The following SCAPER variants were observed in gnomAD, a reference collection of about 807,000 sequenced individuals.
The protein encoded by SCAPER is S phase cyclin A-associated protein in the endoplasmic reticulum.
A neutral mutation model predicts 182.2 loss-of-function variants in SCAPER; 98 were observed. That is an observed-to-expected ratio of 0.54 (90% CI 0.46 to 0.64). The LOEUF is 0.64. Among genes scored for constraint, SCAPER ranks in the 30% least tolerant of loss-of-function variants. SCAPER has a pLI of 0.00. For synonymous variants in SCAPER, 605 were observed against 564.6 expected (o/e 1.07, Z -1.01); for missense variants, 1,432 against 1,690.0 (o/e 0.85, Z 2.68).
Position 76,728,741 on chromosome 15 carries a change from A to G in SCAPER, c.2023-4T>C. ...CCTCTAGAGCTCTCTTGCGTTCCTA[A>G]TGTTAGAAATATTTGTTTCCAATAT... On this transcript the variant is annotated splice_region_variant and splice_polypyrimidine_tract_variant and intron_variant, in intron 16 of 31. Coordinates refer to ENST00000563290, the MANE Select transcript of SCAPER (RefSeq NM_020843.4). The G allele has an allele frequency of 3.1e-6, 5 of 1,604,028 alleles. No individual in the cohort carries two copies. Among genetic ancestry groups the G allele is most frequent in the Non-Finnish European group, 4.2e-6 (5 of 1,177,018 alleles).
chr15:76,850,868 A>G (rs1427126768), intron 4 of SCAPER, among the ~76,000 whole-genome samples: 4 of 151,042 alleles, frequency 2.6e-5, no homozygotes, highest in Non-Finnish European at 4.4e-5. Context: ...TCAAAAAAAA[A>G]AAAAAAAAAG....
chr15:76,855,811 C>T (rs753794490), intron 4 of SCAPER: 3 of 406,518 alleles, frequency 7.4e-6, no homozygotes, highest in South Asian at 3.6e-5. Context: ...AATACTTACA[C>T]GCTATTGCTG....
chr15:76,611,267 A>G (rs1294477222), intron 22 of SCAPER, among the ~76,000 whole-genome samples: 1 of 152,164 alleles, frequency 6.6e-6, no homozygotes, highest in Non-Finnish European at 1.5e-5. Context: ...AACTCAAAAC[A>G]GATAAAAAAT....
Position 76,733,265 on chromosome 15 carries a change from T to C in SCAPER, c.1986A>G (p.Arg662=). 6.3e-7 allele frequency: 1 copy of C among 1,595,964 alleles called. No homozygotes were observed. The highest frequency in any genetic ancestry group is 8.5e-7 in the Non-Finnish European group (1 of 1,170,626). ...CATCACGTGCTTGCTTTTCTTCCTGTCTTCTCTGACGCTCTTCCTGTAGCT... is the reference window on the plus strand; with the variant it reads ...CATCACGTGCTTGCTTTTCTTCCTGCCTTCTCTGACGCTCTTCCTGTAGCT... The part of the protein sequence containing the change: ...LNELQEERQR[R]QEEKQARDEA... Residue 662 remains arginine, a synonymous_variant, in exon 16 of 32, where the codon AGA becomes AGG. Transcript: ENST00000563290.
intron 5 of SCAPER, among the ~76,000 whole-genome samples, chr15:76,818,983 T>A (rs1363769401): frequency 6.6e-6 from 1 of 152,158 alleles, no homozygotes; most frequent in Non-Finnish European, 1.5e-5. Context: ...GGAGCCTCCC[T>A]CATTGCTAGC....
At chr15:76,570,999 T>C (rs1461613892) in intron 23 of SCAPER, among the ~76,000 whole-genome samples, 2 of 152,084 alleles carry the variant, frequency 1.3e-5, no homozygotes, top group Non-Finnish European at 2.9e-5. Context: ...GATTATGTGA[T>C]GGAGTAGGTT....
intron 5 of SCAPER, among the ~76,000 whole-genome samples, chr15:76,816,848 C>T (rs970665109): frequency 3.3e-5 from 5 of 151,994 alleles, no homozygotes; most frequent in African/African-American, 7.3e-5. Flanking sequence ...ATTTTTAGTA[C>T]AGACGGTGTT....
intron 24 of SCAPER, among the ~76,000 whole-genome samples, chr15:76,495,187 T>A (rs2040371739): frequency 6.6e-6 from 1 of 152,154 alleles, no homozygotes; most frequent in South Asian, 2.1e-4. Context: ...AGCAATTTTT[T>A]CTTAATACGT....
chr15:76,559,266 G>A (rs2046423499), intron 23 of SCAPER, among the ~76,000 whole-genome samples: 1 of 145,498 alleles, frequency 6.9e-6, no homozygotes, highest in Admixed American at 6.9e-5. Context: ...ATGTTGGCCA[G>A]GCTGGTCTCA....
intron 23 of SCAPER, chr15:76,567,372 T>C (rs1259898387): frequency 2.2e-6 from 1 of 454,574 alleles, no homozygotes; most frequent in Non-Finnish European, 4.4e-6. Flanking sequence ...TCTTGCCTGG[T>C]GGATATATGC....
chr15:76,511,321 T>A (rs1023212357), intron 23 of SCAPER, among the ~76,000 whole-genome samples: 2 of 152,224 alleles, frequency 1.3e-5, no homozygotes, highest in African/African-American at 4.8e-5. Flanking sequence ...CTCTGTCAAC[T>A]TGCAAAATTT....
chr15:76,709,285 C>T (rs549543946), intron 17 of SCAPER, among the ~76,000 whole-genome samples: 88 of 152,180 alleles, frequency 5.8e-4, no homozygotes, highest in Non-Finnish European at 1.1e-3. Context: ...GCACGTGCCA[C>T]CATGCACGCC....
At chr15:76,825,849 A>G (rs1480593149) in intron 5 of SCAPER, among the ~76,000 whole-genome samples, 2 of 152,112 alleles carry the variant, frequency 1.3e-5, no homozygotes, top group African/African-American at 4.8e-5. Flanking sequence ...GGTTTAAGCA[A>G]TTCTCCTGAC....
chr15:76,348,666 A>G lies in SCAPER; in HGVS notation c.4170T>C (p.Ala1390=), dbSNP rs757942414. Residue 1390 remains alanine (A), a synonymous_variant, in exon 32 of 32, where the codon GCT becomes GCC. Coordinates refer to ENST00000563290, the MANE Select transcript of SCAPER (RefSeq NM_020843.4). ...TCTCTTTTTTCAAGAAAAACTGTCG[A>G]GCTTCTTCCCAGGCCTGCTGAGGAA... is the stretch of plus-strand genomic sequence containing the variant. ...NRFPQQAWEE[A]RQFFLKKEKK 6.4e-7 allele frequency: 1 copy of G among 1,554,006 alleles called. No individual in the cohort carries two copies.
At chr15:76,546,731 TA>T (rs1232859199) in intron 23 of SCAPER, among the ~76,000 whole-genome samples, 2 of 152,138 alleles carry the variant, frequency 1.3e-5, no homozygotes, top group Non-Finnish European at 2.9e-5. Context: ...AAGTGTTACA[TA>T]ATGGTAGCAC....
At chr15:76,473,146 A>G (rs1309015399) in intron 24 of SCAPER, among the ~76,000 whole-genome samples, 2 of 152,208 alleles carry the variant, frequency 1.3e-5, no homozygotes, top group African/African-American at 4.8e-5. Context: ...CTGTTAAACA[A>G]TATGCTAAAG....
rs1013599898 is a variant in SCAPER, at chr15:76,763,580, C to G, written c.1725+1381G>C. On this transcript the variant is annotated intron_variant, in intron 14 of 31. Transcript: ENST00000563290. ...AAAAAAAGGCTTTCTGCCTGCTTCT[C>G]TTCAATCCCTATAATGCATATATTC... 1.3e-4 allele frequency among the ~76,000 whole-genome samples: 19 copies of G among 151,722 alleles called. 1 individual carries two copies. Among genetic ancestry groups the G allele is most frequent in the African/African-American group, 4.1e-4 (17 of 41,420 alleles).
At chr15:76,670,917 T>C (rs1473822993) in intron 20 of SCAPER, among the ~76,000 whole-genome samples, 1 of 152,164 alleles carries the variant, frequency 6.6e-6, no homozygotes, top group Non-Finnish European at 1.5e-5. Flanking sequence ...ATAATTACAG[T>C]GTTATACAGG....
At chr15:76,570,566 T>C (rs1012046985) in intron 23 of SCAPER, among the ~76,000 whole-genome samples, 1 of 152,142 alleles carries the variant, frequency 6.6e-6, no homozygotes, top group Non-Finnish European at 1.5e-5. Context: ...TCCATTCCTA[T>C]AGAAATTTTC....
Sources: allele counts gnomAD v4.1 joint callset (sites outside exome capture counted in the v4.1 genomes callset), GRCh38; gene constraint gnomAD v4.1.1; transcripts MANE v1.5; gene names NCBI Gene and HGNC (gene_info 2026-07-23, HGNC 2026-07-21).